Variants in HAVCR1 observed in about 807,000 individuals in gnomAD.
HAVCR1 encodes the protein hepatitis A virus cellular receptor 1.
A neutral mutation model predicts 32.0 loss-of-function variants in HAVCR1; 34 were observed. The ratio of observed to expected loss-of-function variants is 1.06; its 90% CI spans 0.81 to 1.42. The LOEUF (loss-of-function observed/expected upper bound fraction) is 1.42, where lower values mean the gene tolerates loss of function less well. HAVCR1 is among the 40% of genes most tolerant of loss of function. The pLI is 0.00. For synonymous variants in HAVCR1, 178 were observed against 170.3 expected, an observed-to-expected ratio of 1.05 and a Z score of -0.35; for missense variants, 420 against 442.3, an observed-to-expected ratio of 0.95 and a Z score of 0.45.
intron 6 of HAVCR1, among the ~76,000 whole-genome samples, chr5:157,041,587 C>T (rs1754898404): frequency 6.6e-6 from 1 of 152,150 alleles, no homozygotes; most frequent in Admixed American, 6.5e-5. Flanking sequence ...AAAATTTCTA[C>T]ATAAAATGGT....
At chr5:157,057,875 GC>G (rs1756312533) in intron 2 of HAVCR1, 22 bp downstream of exon 2, 2 of 1,571,874 alleles carry the variant, frequency 1.3e-6, no homozygotes, top group Non-Finnish European at 1.7e-6. Flanking sequence ...CCTTCTTCCC[GC>G]CCAGGGCACC....
At chr5:157,053,767 G>T (rs1230678139) in intron 3 of HAVCR1, among the ~76,000 whole-genome samples, 1 of 152,068 alleles carries the variant, frequency 6.6e-6, no homozygotes, top group African/African-American at 2.4e-5. Flanking sequence ...CTACTCAGGA[G>T]GCCGAGGCAG....
the HAVCR1 span, among the ~76,000 whole-genome samples, chr5:157,067,498 C>T: frequency 6.6e-6 from 1 of 152,042 alleles, no homozygotes; most frequent in Non-Finnish European, 1.5e-5. Context: ...GTCCCCATCT[C>T]TACAAAAAAT....
At chr5:157,044,577 A>AGGAAAGAAAGAAAGAAAG (rs1237690529) in intron 5 of HAVCR1, among the ~76,000 whole-genome samples, 1 of 101,974 alleles carries the variant, frequency 9.8e-6, no homozygotes, top group African/African-American at 4.2e-5. Flanking sequence ...AAGAAAGACA[A>AGGAAAGAAAGAAAGAAAG]AGAAAGAAGG....
rs1450707696 is a variant in HAVCR1 at position 157,059,015 on chromosome 5, C to T, written c.-107G>A. ...CTATTTCCTCAGTTGTAAAATAGCACTAAAAATGCTTCCTCTATCTCCCAC... is the reference window on the plus strand; with the variant it reads ...CTATTTCCTCAGTTGTAAAATAGCATTAAAAATGCTTCCTCTATCTCCCAC... On this transcript the variant is annotated 5_prime_UTR_variant, in exon 1 of 9. In the 5' UTR this introduces an upstream ATG that the reference lacks. Coordinates refer to ENST00000523175, the MANE Select transcript of HAVCR1 (RefSeq NM_001173393.3). 6.6e-6 allele frequency: 1 copy of T among 152,128 alleles called. No homozygotes were observed. Among genetic ancestry groups the T allele is most frequent in the South Asian group, 2.1e-4 (1 of 4,830 alleles). The allele number at this position is 152,128 out of a possible 1,614,324, so 9.4% of individuals were successfully genotyped here. A position where few individuals can be genotyped will look rare whatever the true frequency, so the allele number is the denominator to read the frequency against.
rs998009849 is a variant in HAVCR1, at chr5:157,032,419, G to A, written c.986+435C>T. The stretch of plus-strand genomic sequence containing the variant: ...TGTAATCCCAGCTACTGGGGAGGCT[G>A]AGGCAGGAGAATCGCTTGAACCCAG... On this transcript the variant is annotated intron_variant, in intron 8 of 8. Coordinates refer to ENST00000523175, the MANE Select transcript of HAVCR1 (RefSeq NM_001173393.3). 2.0e-5 allele frequency among the ~76,000 whole-genome samples: 3 copies of A among 152,222 alleles called. No homozygotes were observed. In the East Asian group the frequency reaches 5.8e-4, roughly 29 times the overall value.
At chr5:157,051,422 A>G (rs981182787) in intron 4 of HAVCR1, among the ~76,000 whole-genome samples, 4 of 152,332 alleles carry the variant, frequency 2.6e-5, no homozygotes, top group African/African-American at 9.6e-5. Flanking sequence ...TCCAAACATA[A>G]AACTCAGTGC....
the HAVCR1 span, among the ~76,000 whole-genome samples, chr5:157,064,586 G>T: frequency 6.6e-6 from 1 of 152,140 alleles, no homozygotes; most frequent in Non-Finnish European, 1.5e-5. Context: ...AGCTGCAAAG[G>T]CTGGGCTCAG....
At chr5:157,065,147 G>A in the HAVCR1 span, among the ~76,000 whole-genome samples, 1 of 152,086 alleles carries the variant, frequency 6.6e-6, no homozygotes, top group South Asian at 2.1e-4. Flanking sequence ...ATGAAACCCC[G>A]TCTCTACTGA....
At chr5:157,052,210 T>C (rs138484073) in intron 4 of HAVCR1, 151 bp downstream of exon 4, 13 of 664,838 alleles carry the variant, frequency 2.0e-5, no homozygotes, top group Admixed American at 1.7e-4. Context: ...AACTTGGGAG[T>C]TGGGGAGGAT....
chr5:157,058,576 C>CA lies in HAVCR1; in HGVS notation c.-13+344dup, dbSNP rs200213701. 102 of 150,768 alleles carry CA rather than the reference C, an allele frequency of 6.8e-4. 1 individual carries two copies. The highest frequency in any genetic ancestry group is 1.5e-3 in the African/African-American group (61 of 41,082). 9.3% of individuals were successfully genotyped at this position (150,768 alleles called of 1,614,324 possible). The stretch of plus-strand genomic sequence containing the variant: ...CAAGACTCCGTCTCAAAAAACAAAA[C>CA]AAAAAAAAAGAAAAGAAAAGGAAAC... On this transcript the variant is annotated intron_variant, in intron 1 of 8. Transcript: ENST00000523175.
At chr5:157,044,633 GAAAGAA>G (rs1755231428) in intron 5 of HAVCR1, among the ~76,000 whole-genome samples, 2 of 76,588 alleles carry the variant, frequency 2.6e-5, no homozygotes, top group African/African-American at 1.0e-4. Flanking sequence ...AAGAAAGAAA[GAAAGAA>G]AGAAAGAAAG....
chr5:157,055,114 C>A, intron 3 of HAVCR1, 87 bp downstream of exon 3: 1 of 687,222 alleles, frequency 1.5e-6, no homozygotes. Context: ...CTTACGGGAA[C>A]CTCCTCTTTC....
the HAVCR1 span, among the ~76,000 whole-genome samples, chr5:157,066,645 G>T: frequency 6.6e-6 from 1 of 151,842 alleles, no homozygotes; most frequent in Non-Finnish European, 1.5e-5. Flanking sequence ...GGGGCAACAA[G>T]TAAACAGAGG....
chr5:157,032,083 T>C (rs1444750553), intron 8 of HAVCR1, among the ~76,000 whole-genome samples: 2 of 152,134 alleles, frequency 1.3e-5, no homozygotes, highest in Non-Finnish European at 2.9e-5. Flanking sequence ...CCCCATGGTG[T>C]TTATCTGTAA....
intron 5 of HAVCR1, among the ~76,000 whole-genome samples, chr5:157,045,492 A>G (rs749472341): frequency 2.0e-5 from 3 of 152,152 alleles, no homozygotes; most frequent in Non-Finnish European, 4.4e-5. Flanking sequence ...CATATACTCT[A>G]ATCATTCAAA....
At chr5:157,064,182 G>A in the HAVCR1 span, among the ~76,000 whole-genome samples, 1 of 152,106 alleles carries the variant, frequency 6.6e-6, no homozygotes, top group African/African-American at 2.4e-5. Context: ...CAGAAGAGAT[G>A]GGTTAGCAGT....
At chr5:157,045,178 GAAATA>G (rs1398271148) in intron 5 of HAVCR1, among the ~76,000 whole-genome samples, 1 of 151,942 alleles carries the variant, frequency 6.6e-6, no homozygotes, top group African/African-American at 2.4e-5. Flanking sequence ...AAAAATTATA[GAAATA>G]AACTGTAATA....
Position 157,054,299 on chromosome 5 carries a change from A to G in HAVCR1, c.379+902T>C, listed in dbSNP as rs1738725662. Among the ~76,000 whole-genome samples the G allele has an allele frequency of 1.3e-5, 2 of 152,086 alleles. 1 individual carries two copies. Among genetic ancestry groups the G allele is most frequent in the South Asian group, 4.1e-4 (2 of 4,832 alleles). Reference sequence around the variant, plus strand: ...CAGAACATCTGAGGTCAGGAGTTCAAGACCAGCCTGGCCAACATGGTGAAA... The same window carrying G: ...CAGAACATCTGAGGTCAGGAGTTCAGGACCAGCCTGGCCAACATGGTGAAA... On this transcript the variant is annotated intron_variant, in intron 3 of 8. Coordinates refer to ENST00000523175, the MANE Select transcript of HAVCR1 (RefSeq NM_001173393.3).
Sources: allele counts gnomAD v4.1 joint callset (sites outside exome capture counted in the v4.1 genomes callset), GRCh38; gene constraint gnomAD v4.1.1; transcripts MANE v1.5; gene names NCBI Gene and HGNC (gene_info 2026-07-23, HGNC 2026-07-21).